Variants in PDE4D observed in about 807,000 individuals in gnomAD.
The protein encoded by PDE4D is phosphodiesterase 4D, also known as 3',5'-cyclic-AMP phosphodiesterase 4D.
PDE4D carries 24 observed loss-of-function variants against 87.4 expected under a neutral mutation model. That is an observed-to-expected ratio of 0.27 (90% confidence interval 0.20 to 0.39). PDE4D has a LOEUF of 0.39. Among genes scored for constraint, PDE4D ranks in the 10% least tolerant of loss-of-function variants. The probability of loss-of-function intolerance (pLI) is 1.00; values close to 1 mark genes in which losing one functional copy is unlikely to be tolerated. For missense variants in PDE4D, 714 were observed against 1,041.0 expected, an observed-to-expected ratio of 0.69 and a Z score of 4.32; for synonymous variants, 384 against 383.2, an observed-to-expected ratio of 1.00 and a Z score of -0.02.
intron 1 of PDE4D, among the ~76,000 whole-genome samples, chr5:59,664,444 T>C (rs1034735025): frequency 6.6e-6 from 1 of 152,248 alleles, no homozygotes; most frequent in East Asian, 1.9e-4. Context: ...CTTTCATATA[T>C]ATTATTTCAT....
At chr5:59,732,994 T>C (rs1292703877) in intron 1 of PDE4D, among the ~76,000 whole-genome samples, 1 of 152,098 alleles carries the variant, frequency 6.6e-6, no homozygotes, top group Non-Finnish European at 1.5e-5. Context: ...CTAAATATGA[T>C]AGTAATGTTC....
chr5:60,200,390 A>C (rs1160613441), intron 1 of PDE4D, among the ~76,000 whole-genome samples: 1 of 151,606 alleles, frequency 6.6e-6, no homozygotes, highest in Admixed American at 6.6e-5. Context: ...AACAGTTCTG[A>C]TATATAGCTC....
intron 1 of PDE4D, among the ~76,000 whole-genome samples, chr5:60,479,075 A>C (rs1163416750): frequency 2.0e-5 from 3 of 152,118 alleles, no homozygotes; most frequent in Non-Finnish European, 4.4e-5. Context: ...CTCCTTTATA[A>C]AGTGACTAAG....
intron 1 of PDE4D, chr5:59,768,272 G>A (rs777513165): frequency 1.9e-6 from 3 of 1,598,274 alleles, no homozygotes; most frequent in Admixed American, 3.3e-5. Context: ...GTGAAACGCC[G>A]CTGTTTGGGG....
At chr5:60,261,983 T>G (rs1749691756) in intron 1 of PDE4D, among the ~76,000 whole-genome samples, 1 of 152,116 alleles carries the variant, frequency 6.6e-6, no homozygotes. Flanking sequence ...AAATTTCAGT[T>G]TGTGTAATAC....
intron 1 of PDE4D, among the ~76,000 whole-genome samples, chr5:59,616,941 A>ATATATATATATATATATATATATC (rs1278960416): frequency 1.2e-4 from 17 of 137,726 alleles, no homozygotes; most frequent in Non-Finnish European, 9.4e-5. Flanking sequence ...ATATATATAT[A>ATATATATATATATATATATATATC]TATATCTCCA....
At chr5:59,167,759 A>G (rs1482781257) in intron 5 of PDE4D, among the ~76,000 whole-genome samples, 1 of 152,130 alleles carries the variant, frequency 6.6e-6, no homozygotes, top group Non-Finnish European at 1.5e-5. Flanking sequence ...TCAACAGAAC[A>G]CATTTTAGCT....
At chr5:59,764,094 T>A (rs1762491963) in intron 1 of PDE4D, among the ~76,000 whole-genome samples, 1 of 152,202 alleles carries the variant, frequency 6.6e-6, no homozygotes, top group South Asian at 2.1e-4. Context: ...CTCTCATTTC[T>A]GCCTTCTCCT....
At chr5:59,226,274 A>G (rs555210170) in intron 1 of PDE4D, among the ~76,000 whole-genome samples, 1 of 152,216 alleles carries the variant, frequency 6.6e-6, no homozygotes, top group Non-Finnish European at 1.5e-5. Flanking sequence ...CGAATGGATT[A>G]AAAAATGTGG....
At chr5:59,217,152 T>C (rs1409913689) in intron 1 of PDE4D, 1 of 452,874 alleles carries the variant, frequency 2.2e-6, no homozygotes, top group African/African-American at 2.0e-5. Context: ...AGAACCTTTC[T>C]AGTGAAACAT....
intron 1 of PDE4D, among the ~76,000 whole-genome samples, chr5:59,245,340 A>G (rs1025797867): frequency 1.3e-5 from 2 of 152,184 alleles, no homozygotes; most frequent in African/African-American, 4.8e-5. Context: ...TGGATATTGT[A>G]AATAAGTGGT....
At chr5:59,146,398 T>C (rs1234738936) in intron 5 of PDE4D, among the ~76,000 whole-genome samples, 1 of 152,176 alleles carries the variant, frequency 6.6e-6, no homozygotes, top group African/African-American at 2.4e-5. Context: ...GTTTTGAATT[T>C]TGAAGCATAC....
chr5:60,422,031 A>T (rs1192100535), intron 1 of PDE4D, among the ~76,000 whole-genome samples: 1 of 152,238 alleles, frequency 6.6e-6, no homozygotes, highest in Non-Finnish European at 1.5e-5. Context: ...CCTCCAAGAA[A>T]TATGGGACTA....
At chr5:59,104,161 T>C (rs1580812064) in intron 5 of PDE4D, among the ~76,000 whole-genome samples, 1 of 103,894 alleles carries the variant, frequency 9.6e-6, no homozygotes. Flanking sequence ...AAATTAAACC[T>C]CAATAGTCTT....
chr5:59,843,191 A>C (rs1381627412), intron 1 of PDE4D, among the ~76,000 whole-genome samples: 1 of 152,038 alleles, frequency 6.6e-6, no homozygotes, highest in Non-Finnish European at 1.5e-5. Context: ...TATAAATAGC[A>C]TGATAAGCCC....
intron 1 of PDE4D, among the ~76,000 whole-genome samples, chr5:60,352,432 C>T (rs79292161): frequency 0.019 from 2,832 of 152,280 alleles, 73 homozygotes; most frequent in East Asian, 0.13. Context: ...TGCTCAAAAG[C>T]AGGTAGTATG....
At chr5:59,125,732 C>T (rs1462373001) in intron 5 of PDE4D, among the ~76,000 whole-genome samples, 2 of 151,982 alleles carry the variant, frequency 1.3e-5, no homozygotes, top group Admixed American at 6.6e-5. Flanking sequence ...GGGCAGGATG[C>T]GATGGGGGAG....
intron 2 of PDE4D, among the ~76,000 whole-genome samples, chr5:60,139,649 A>G (rs1281596620): frequency 1.3e-5 from 2 of 152,164 alleles, no homozygotes; most frequent in Non-Finnish European, 2.9e-5. Context: ...AAGGAAGGGA[A>G]AAATAGGCTA....
At chr5:59,050,627 T>C (rs555034038) in intron 5 of PDE4D, among the ~76,000 whole-genome samples, 3 of 152,230 alleles carry the variant, frequency 2.0e-5, no homozygotes, top group African/African-American at 7.2e-5. Context: ...AAAGTTATTA[T>C]ACACACAGAA....
Sources: allele counts gnomAD v4.1 joint callset (sites outside exome capture counted in the v4.1 genomes callset), GRCh38; gene constraint gnomAD v4.1.1; transcripts MANE v1.5; gene names NCBI Gene and HGNC (gene_info 2026-07-23, HGNC 2026-07-21).